Variants in CELF5 observed in about 807,000 individuals in gnomAD.
CELF5 encodes CUGBP Elav-like family member 5, also known as CUG-BP and ETR-3 like factor 5.
In CELF5, 6 loss-of-function variants were observed where a neutral mutation model predicts 54.9. That is an observed-to-expected ratio of 0.11 (90% confidence interval 0.06 to 0.22). The LOEUF is 0.22. Among genes scored for constraint, CELF5 ranks in the 10% least tolerant of loss-of-function variants. The probability of loss-of-function intolerance (pLI) is 1.00; values close to 1 mark genes in which losing one functional copy is unlikely to be tolerated. For missense variants in CELF5, 401 were observed against 678.6 expected (o/e 0.59, Z 4.54); for synonymous variants, 271 against 290.9 (o/e 0.93, Z 0.70).
At chr19:3,261,912 T>G (rs2033260895) in intron 2 of CELF5, among the ~76,000 whole-genome samples, 3 of 152,198 alleles carry the variant, frequency 2.0e-5, no homozygotes, top group Non-Finnish European at 2.9e-5. Context: ...ATGGAACATT[T>G]GCAGTGGTGG....
rs1568360405 is a variant in CELF5 at position 3,282,189 on chromosome 19, T to A, written c.814T>A (p.Phe272Ile). 6.2e-7 allele frequency: 1 copy of A among 1,614,138 alleles called. No homozygotes were observed. ...CAGCTACCTGAGTCCCGGCGTGGCC[T>A]TCTCACCCTGTCACATCCAGCAGAT... ...SGSYLSPGVA[F>I]SPCHIQQIGA... is the part of the protein sequence containing the mutation. Residue 272 changes from phenylalanine (F) to isoleucine (I), a missense_variant, in exon 7 of 13, where the codon TTC (phenylalanine) becomes ATC (isoleucine). Around this residue, in one of 6 missense-constraint regions of CELF5, gnomAD observed 87 missense variants for 190.2 expected, o/e 0.46. Coordinates refer to ENST00000292672, the MANE Select transcript of CELF5 (RefSeq NM_021938.4). The surrounding 1 kb of genome is among the most constrained non-coding windows in gnomAD (Gnocchi z 5.2).
chr19:3,257,398 G>A (rs2079742918), intron 2 of CELF5, among the ~76,000 whole-genome samples: 1 of 152,182 alleles, frequency 6.6e-6, no homozygotes, highest in Non-Finnish European at 1.5e-5. Context: ...TTGTTCCAAG[G>A]GTGACTGGGA....
At chr19:3,250,619 T>A (rs10410596) in intron 1 of CELF5, among the ~76,000 whole-genome samples, 31,204 of 152,116 alleles carry the variant, frequency 0.21, 3,670 homozygotes, top group East Asian at 0.55. Context: ...GTCCCCATGA[T>A]ACACTCAGTC....
intron 1 of CELF5, among the ~76,000 whole-genome samples, chr19:3,227,208 G>C (rs527996130): frequency 2.2e-3 from 328 of 152,246 alleles, no homozygotes; most frequent in Middle Eastern, 6.8e-3. Context: ...GAAGGGGTGG[G>C]GGGGTGTCTT....
intron 1 of CELF5, among the ~76,000 whole-genome samples, chr19:3,244,704 G>A (rs1400618588): frequency 6.8e-6 from 1 of 147,048 alleles, no homozygotes; most frequent in South Asian, 2.2e-4. Flanking sequence ...TGGTGTGTAT[G>A]CATCTGTGCA....
At chr19:3,238,004 A>G (rs958686281) in intron 1 of CELF5, among the ~76,000 whole-genome samples, 10 of 151,798 alleles carry the variant, frequency 6.6e-5, no homozygotes, top group East Asian at 5.8e-4. Flanking sequence ...AGCCGAGATC[A>G]CGCCACTGCA....
Position 3,228,993 on chromosome 19 carries a change from C to T in CELF5, c.259+3995C>T, listed in dbSNP as rs1421922557. On this transcript the variant is annotated intron_variant, in intron 1 of 12. Coordinates refer to ENST00000292672, the MANE Select transcript of CELF5 (RefSeq NM_021938.4). The surrounding 1 kb of genome is among the most constrained non-coding windows in gnomAD (Gnocchi z 6.0). ...GCTGAGCGCGCCCCTCTCTGTGCCT[C>T]GTTTTCCCCTGCTGCATATTCTCTC... Among the ~76,000 whole-genome samples, 1 of 151,802 alleles carries T rather than the reference C, an allele frequency of 6.6e-6. No homozygotes were observed. The highest frequency in any genetic ancestry group is 2.4e-5 in the African/African-American group (1 of 41,314).
chr19:3,271,082 A>G (rs927700303), intron 2 of CELF5, among the ~76,000 whole-genome samples: 42 of 151,938 alleles, frequency 2.8e-4, no homozygotes, highest in African/African-American at 9.9e-4. Context: ...TTCCATGGCA[A>G]CAACAATTGC....
rs143889571 is a variant in CELF5 at position 3,279,851 on chromosome 19, C to T, written c.604-1348C>T. Among the ~76,000 whole-genome samples the T allele has an allele frequency of 1.6e-3, 249 of 152,214 alleles. 1 individual carries two copies. In the Middle Eastern group the frequency reaches 0.024, roughly 15 times the overall value. On this transcript the variant is annotated intron_variant, in intron 5 of 12. Transcript: ENST00000292672. ...CCAAGTAGCTGGGATTACAGGCACG[C>T]GCCACCACACCTGGCTAAATTTTGT... is the stretch of plus-strand genomic sequence containing the variant.
intron 1 of CELF5, among the ~76,000 whole-genome samples, chr19:3,246,135 G>A (rs562096061): frequency 4.6e-5 from 7 of 151,980 alleles, no homozygotes; most frequent in African/African-American, 4.8e-5. Flanking sequence ...AGGCCACGGC[G>A]GGTGGATCAC....
intron 2 of CELF5, among the ~76,000 whole-genome samples, chr19:3,264,868 C>T (rs1436770211): frequency 2.6e-5 from 4 of 152,038 alleles, no homozygotes; most frequent in Non-Finnish European, 4.4e-5. Flanking sequence ...CGTCTGCCAC[C>T]ACACCCAGCT....
At chr19:3,287,738 G>C (rs1238816486) in intron 10 of CELF5, among the ~76,000 whole-genome samples, 1 of 145,420 alleles carries the variant, frequency 6.9e-6, no homozygotes, top group Non-Finnish European at 1.5e-5. Context: ...GGGCAACAGA[G>C]GGAGACCCTG....
chr19:3,233,568 A>G (rs1473958836), intron 1 of CELF5, among the ~76,000 whole-genome samples: 1 of 152,202 alleles, frequency 6.6e-6, no homozygotes, highest in Non-Finnish European at 1.5e-5. Context: ...GCTACAACCA[A>G]GGGAAAGGCG....
rs889290615 is a variant in CELF5 at position 3,275,157 on chromosome 19, C to T, written c.395-699C>T. ...CCTAGGAGATGAAGCCACCACGTTC[C>T]CCATTACCAGGGAGCATGCAGTTAC... On this transcript the variant is annotated intron_variant, in intron 3 of 12. Coordinates refer to ENST00000292672, the MANE Select transcript of CELF5 (RefSeq NM_021938.4). The surrounding 1 kb of genome is among the most constrained non-coding windows in gnomAD (Gnocchi z 6.7). Among the ~76,000 whole-genome samples, 1 of 152,142 alleles carries T rather than the reference C, an allele frequency of 6.6e-6. No homozygotes were observed. The highest frequency in any genetic ancestry group is 1.5e-5 in the Non-Finnish European group (1 of 68,034).
At position 3,245,190 on chromosome 19, in the gene CELF5, GGT is replaced by G. The variant is rs2079548830; in HGVS notation, c.260-5788_260-5787del. ...TGCATGTGTCTTTGCGTGTGTGTGT[GGT>G]GTGTGTTTGCATCTGTGCATGTGTG... On this transcript the variant is annotated intron_variant, in intron 1 of 12. Transcript: ENST00000292672. Among the ~76,000 whole-genome samples the G allele has an allele frequency of 3.3e-5, 5 of 150,342 alleles. No individual in the cohort carries two copies. In the South Asian group the frequency reaches 1.0e-3, roughly 32 times the overall value.
chr19:3,285,738 G>A (rs2080234834), intron 9 of CELF5, among the ~76,000 whole-genome samples: 1 of 110,786 alleles, frequency 9.0e-6, no homozygotes, highest in South Asian at 3.4e-4. Flanking sequence ...TCAGGCAATA[G>A]CCCCTCCCCG....
intron 4 of CELF5, among the ~76,000 whole-genome samples, chr19:3,277,214 GC>G (rs2080070413): frequency 6.6e-6 from 1 of 152,202 alleles, no homozygotes; most frequent in African/African-American, 2.4e-5. Flanking sequence ...GGTGGCTCAC[GC>G]CTGTAATCCC....
chr19:3,280,457 C>G (rs2080130615), intron 5 of CELF5, among the ~76,000 whole-genome samples: 1 of 152,016 alleles, frequency 6.6e-6, no homozygotes, highest in South Asian at 2.1e-4. Flanking sequence ...CACCTGTAAT[C>G]CCAGCTACTC....
At chr19:3,287,160 A>G (rs555980604) in intron 10 of CELF5, among the ~76,000 whole-genome samples, 22 of 152,224 alleles carry the variant, frequency 1.4e-4, no homozygotes, top group Non-Finnish European at 3.1e-4. Flanking sequence ...ACTATACAGC[A>G]GTGAAAAAGG....
Sources: gnomAD v4.1 joint callset for allele counts (sites outside exome capture counted in the v4.1 genomes callset) on GRCh38, gnomAD v4.1.1 for gene constraint, gnomAD v4.1.1 regional missense constraint, Gnocchi (gnomAD v3.1) non-coding constraint, MANE v1.5 for transcripts, NCBI Gene and HGNC (gene_info 2026-07-23, HGNC 2026-07-21) for gene names.